Variants in ERAP1 observed in about 807,000 individuals in gnomAD.
The protein encoded by ERAP1 is adipocyte-derived leucine aminopeptidase.
A neutral mutation model predicts 103.7 loss-of-function variants in ERAP1; 86 were observed. The ratio of observed to expected loss-of-function variants is 0.83; its 90% CI spans 0.70 to 0.99. The LOEUF (loss-of-function observed/expected upper bound fraction) is 0.99. ERAP1 is among the 50% of genes least tolerant of loss of function. The pLI, the probability that ERAP1 is intolerant of heterozygous loss-of-function variation, is 0.00. For missense variants in ERAP1, 1,009 were observed against 1,128.4 expected, an observed-to-expected ratio of 0.89 and a Z score of 1.52; for synonymous variants, 398 against 402.4, an observed-to-expected ratio of 0.99 and a Z score of 0.13.
chr5:96,779,230 C>G (rs1291670713), intron 18 of ERAP1: 1 of 152,184 alleles, frequency 6.6e-6, no homozygotes, highest in Non-Finnish European at 1.5e-5. Flanking sequence ...TTCACTGTTA[C>G]AGCCCCATAA....
At chr5:96,827,636 G>C in the ERAP1 span, among the ~76,000 whole-genome samples, 1 of 152,034 alleles carries the variant, frequency 6.6e-6, no homozygotes, top group Non-Finnish European at 1.5e-5. Flanking sequence ...CTGCACTCCA[G>C]CCTGGGTGAC....
At chr5:96,847,821 A>T in the ERAP1 span, among the ~76,000 whole-genome samples, 1 of 152,234 alleles carries the variant, frequency 6.6e-6, no homozygotes, top group East Asian at 1.9e-4. Flanking sequence ...CAGCAAAAGC[A>T]ATTCTAACAG....
chr5:96,856,871 T>A, the ERAP1 span, among the ~76,000 whole-genome samples: 1 of 152,208 alleles, frequency 6.6e-6, no homozygotes, highest in African/African-American at 2.4e-5. Context: ...CTCTGTCTGC[T>A]CCCTCTTATT....
intron 13 of ERAP1, among the ~76,000 whole-genome samples, chr5:96,784,554 C>G (rs761978896): frequency 1.3e-5 from 2 of 152,106 alleles, no homozygotes; most frequent in Non-Finnish European, 2.9e-5. Flanking sequence ...AACACAACAT[C>G]CGGCATGTTT....
intron 3 of ERAP1, among the ~76,000 whole-genome samples, chr5:96,799,973 T>C (rs201664874): frequency 2.0e-5 from 3 of 152,118 alleles, no homozygotes; most frequent in South Asian, 2.1e-4. Flanking sequence ...ACACTAGAGG[T>C]TGGTCTGTGG....
chr5:96,810,849 G>A (rs114300422), upstream of ERAP1, among the ~76,000 whole-genome samples: 2,501 of 152,286 alleles, frequency 0.016, 60 homozygotes, highest in African/African-American at 0.057. Context: ...TAATGTCAGC[G>A]TTTGGCTCAT....
At chr5:96,921,213 T>G in the ERAP1 span, among the ~76,000 whole-genome samples, 2 of 152,392 alleles carry the variant, frequency 1.3e-5, no homozygotes, top group Non-Finnish European at 2.9e-5. Flanking sequence ...GCCTCAGCCT[T>G]CGGCTTACCC....
the ERAP1 span, among the ~76,000 whole-genome samples, chr5:96,870,098 A>G: frequency 0.088 from 13,354 of 152,248 alleles, 685 homozygotes; most frequent in Middle Eastern, 0.14. Flanking sequence ...AGAGGAAACC[A>G]AGAGGCAGAC....
At chr5:96,931,170 T>A in the ERAP1 span, among the ~76,000 whole-genome samples, 1 of 151,994 alleles carries the variant, frequency 6.6e-6, no homozygotes, top group Non-Finnish European at 1.5e-5. Flanking sequence ...TTTTTTTTTT[T>A]TTCCCAGACA....
chr5:96,890,968 G>T, the ERAP1 span, among the ~76,000 whole-genome samples: 11 of 152,156 alleles, frequency 7.2e-5, no homozygotes, highest in African/African-American at 2.4e-4. Context: ...AAAGAAGCAT[G>T]CAGCTTAGGA....
rs187447495 is a variant in ERAP1, at chr5:96,783,915, G to A, written c.2100+9C>T. 18 of 1,606,738 alleles carry A rather than the reference G, an allele frequency of 1.1e-5. No homozygotes were observed. The East Asian group carries it at 3.8e-4, about 34-fold the overall frequency. ...TAATAATTACATAACTTTTATTTCA[G>A]GCTTTTACCTTGAATTGAGTTTCCA... On this transcript the variant is annotated intron_variant, in intron 14 of 18. Transcript: ENST00000443439.
chr5:96,815,942 A>G, the ERAP1 span, among the ~76,000 whole-genome samples: 1 of 152,204 alleles, frequency 6.6e-6, no homozygotes, highest in South Asian at 2.1e-4. Flanking sequence ...ATGGAAAGAT[A>G]GAGATCGAGA....
chr5:96,805,037 C>T (rs10041240), intron 1 of ERAP1: 24,587 of 140,682 alleles, frequency 0.17, 2,466 homozygotes, highest in Non-Finnish European at 0.23. Flanking sequence ...TTTATACAAA[C>T]GCACCTTTCT....
chr5:96,907,883 CAAA>C, the ERAP1 span, among the ~76,000 whole-genome samples: 80,483 of 147,716 alleles, frequency 0.54, 21,495 homozygotes, highest in Admixed American at 0.59. Context: ...AACTCTGTCT[CAAA>C]AAAAAAAAAT....
At chr5:96,868,415 G>A in the ERAP1 span, among the ~76,000 whole-genome samples, 1 of 152,140 alleles carries the variant, frequency 6.6e-6, no homozygotes, top group Non-Finnish European at 1.5e-5. Context: ...GTCTTTTGTG[G>A]GGAACTTTGA....
the ERAP1 span, among the ~76,000 whole-genome samples, chr5:96,833,173 C>T: frequency 6.6e-6 from 1 of 152,172 alleles, no homozygotes; most frequent in Non-Finnish European, 1.5e-5. Context: ...ACTGAGATAG[C>T]TGATAAATTT....
chr5:96,788,022 G>T (rs1776293228), intron 11 of ERAP1, among the ~76,000 whole-genome samples: 1 of 152,116 alleles, frequency 6.6e-6, no homozygotes, highest in Admixed American at 6.6e-5. Flanking sequence ...CAAGATAAAA[G>T]AATTTTTTAA....
At chr5:96,844,041 G>A in the ERAP1 span, among the ~76,000 whole-genome samples, 1 of 152,124 alleles carries the variant, frequency 6.6e-6, no homozygotes, top group Non-Finnish European at 1.5e-5. Context: ...AGAAGGTCAG[G>A]TCTTAAGCCT....
the ERAP1 span, chr5:96,917,540 A>G: frequency 6.2e-7 from 1 of 1,613,994 alleles, no homozygotes; most frequent in Non-Finnish European, 8.5e-7. Context: ...AACGATAACC[A>G]AAAATATAAA....
Sources: allele counts gnomAD v4.1 joint callset (sites outside exome capture counted in the v4.1 genomes callset), GRCh38; gene constraint gnomAD v4.1.1; transcripts MANE v1.5; gene names NCBI Gene and HGNC (gene_info 2026-07-23, HGNC 2026-07-21).